TMEM165: variants seen among roughly 807,000 people sequenced by gnomAD.
The protein encoded by TMEM165 is putative divalent cation/proton antiporter TMEM165.
In TMEM165, 19 loss-of-function variants were observed where a neutral mutation model predicts 30.0. That is an observed-to-expected ratio of 0.63 (90% CI 0.44 to 0.93). TMEM165 has a LOEUF of 0.93. TMEM165 is among the 40% of genes least tolerant of loss of function. The probability of loss-of-function intolerance (pLI) is 0.00; values close to 1 mark genes in which losing one functional copy is unlikely to be tolerated. For missense variants in TMEM165, 340 were observed against 417.0 expected (o/e 0.82, Z 1.61); for synonymous variants, 168 against 162.9 (o/e 1.03, Z -0.24).
At chr4:55,420,895 G>GT (rs1213701315) in intron 4 of TMEM165, among the ~76,000 whole-genome samples, 2 of 149,714 alleles carry the variant, frequency 1.3e-5, no homozygotes, top group Admixed American at 6.7e-5. Flanking sequence ...CTGTCGTTTT[G>GT]TTTTTTCTTT....
At chr4:55,435,944 A>C (rs1022259064) in intron 3 of TMEM165, among the ~76,000 whole-genome samples, 1 of 152,214 alleles carries the variant, frequency 6.6e-6, no homozygotes, top group African/African-American at 2.4e-5. Context: ...CTATATGAAA[A>C]ACAAATACTC....
At chr4:55,402,216 AAAT>A (rs1208516983) in intron 1 of TMEM165, among the ~76,000 whole-genome samples, 27 of 147,538 alleles carry the variant, frequency 1.8e-4, no homozygotes, top group East Asian at 1.2e-3. Context: ...TTAAAACAAA[AAAT>A]AATTTTATTA....
chr4:55,417,785 G>A lies in TMEM165; in HGVS notation c.610-18G>A. ...TTGCTTCCTGTGCTTACTTTCATTTGTTTATTATTTATTTTAGTTTCAACG... is the reference window on the plus strand; with the variant it reads ...TTGCTTCCTGTGCTTACTTTCATTTATTTATTATTTATTTTAGTTTCAACG... On this transcript the variant is annotated intron_variant, in intron 3 of 5. Transcript: ENST00000381334. 1.3e-6 allele frequency: 2 copies of A among 1,571,194 alleles called. No individual in the cohort carries two copies. Among genetic ancestry groups the A allele is most frequent in the Admixed American group, 1.9e-5 (1 of 53,530 alleles).
intron 3 of TMEM165, among the ~76,000 whole-genome samples, chr4:55,451,262 G>A (rs1724423877): frequency 6.6e-6 from 1 of 152,102 alleles, no homozygotes; most frequent in African/African-American, 2.4e-5. Context: ...TAAAGTTAAT[G>A]CTCAGTTCTC....
At chr4:55,453,075 A>T (rs1724609192) in exon 4 of TMEM165, 4 of 1,611,696 alleles carry the variant, frequency 2.5e-6, no homozygotes, top group Non-Finnish European at 3.4e-6. Flanking sequence ...CTGTCTCAGG[A>T]AGAGACTCTT....
In TMEM165 at chr4:55,444,765, T is replaced by G. The variant is rs1372516916; in HGVS notation, c.409-7474T>G. 2.5e-6 allele frequency: 4 copies of G among 1,613,940 alleles called. No homozygotes were observed. In the African/African-American group the frequency reaches 5.3e-5, roughly 22 times the overall value. ...GGTCTTTCAGATGTTGCATGGCTCCTAATTGAGCTGAAAACTGAAACTGAA... is the reference window on the plus strand; with the variant it reads ...GGTCTTTCAGATGTTGCATGGCTCCGAATTGAGCTGAAAACTGAAACTGAA... On this transcript the variant is annotated intron_variant, in intron 3 of 3. Coordinates refer to the TMEM165 transcript ENST00000608091.
At chr4:55,418,687 G>A (rs1266737286) in intron 4 of TMEM165, among the ~76,000 whole-genome samples, 1 of 152,136 alleles carries the variant, frequency 6.6e-6, no homozygotes, top group East Asian at 1.9e-4. Context: ...GTAGCTCTTA[G>A]AATATTCACT....
Position 55,450,247 on chromosome 4 carries a change from T to A in TMEM165, c.409-1992T>A, listed in dbSNP as rs752815208. On this transcript the variant is annotated intron_variant, in intron 3 of 3. Transcript: ENST00000608091. ...GAATCTTGGCTCTATGGAGACAGAG[T>A]AAAATAAATGTTTTCTTGTGGTTCA... 4.2e-5 allele frequency: 68 copies of A among 1,613,688 alleles called. No individual in the cohort carries two copies. The African/African-American group carries it at 8.8e-4, about 21-fold the overall frequency.
In TMEM165 at chr4:55,417,867, C is replaced by A; in HGVS notation, c.674C>A (p.Pro225His). The A allele has an allele frequency of 6.2e-7, 1 of 1,613,966 alleles. No homozygotes were observed. The highest frequency in any genetic ancestry group is 8.5e-7 in the Non-Finnish European group (1 of 1,179,974). Residue 225 changes from proline (P) to histidine (H), a missense_variant, in exon 4 of 6, where the codon CCT becomes CAT. By Grantham distance (77) the Pro-to-His change is moderately conservative. Around this residue, in one of 2 missense-constraint regions of TMEM165, gnomAD observed 220 missense variants for 307.6 expected, o/e 0.72. Coordinates refer to ENST00000381334, the MANE Select transcript of TMEM165 (RefSeq NM_018475.5). ...DVETGTSITV[P>H]QKKWLHFISP... ...GAAACGGGTACAAGCATAACAGTAC[C>A]TCAGAAAAAGTGGTTGCATTTTATT...
At chr4:55,425,301 G>A (rs1316450235) in intron 5 of TMEM165, 75 bp from the exon 6 acceptor site, 34 of 1,235,278 alleles carry the variant, frequency 2.8e-5, no homozygotes, top group East Asian at 1.2e-4. Context: ...CCGCCTCATC[G>A]GCTCCCTTTT....
At position 55,395,963 on chromosome 4, in the gene TMEM165, A is replaced by T; in HGVS notation, c.-227A>T. On this transcript the variant is annotated 5_prime_UTR_variant, in exon 1 of 6. Transcript: ENST00000381334. ...CGCGCCGAGGCAGCTGGCTGACTCCAGTTTAGCCGCCGCCGGAGAGGACGG... is the reference window on the plus strand; with the variant it reads ...CGCGCCGAGGCAGCTGGCTGACTCCTGTTTAGCCGCCGCCGGAGAGGACGG... The T allele has an allele frequency of 2.7e-6, 1 of 366,466 alleles. No homozygotes were observed. The highest frequency in any genetic ancestry group is 4.8e-6 in the Non-Finnish European group (1 of 209,208). The allele number at this position is 366,466 out of a possible 1,614,324, so 22.7% of individuals were successfully genotyped here. A position where few individuals can be genotyped will look rare whatever the true frequency, so the allele number is the denominator to read the frequency against.
intron 2 of TMEM165, among the ~76,000 whole-genome samples, chr4:55,412,987 ATTTT>A (rs962814869): frequency 6.6e-6 from 1 of 150,686 alleles, no homozygotes; most frequent in Admixed American, 6.6e-5. Context: ...TTATTTATTT[ATTTT>A]TTTTTAGAGA....
chr4:55,396,442 G>A, intron 1 of TMEM165, 46 bp downstream of exon 1: 3 of 1,368,020 alleles, frequency 2.2e-6, no homozygotes, highest in Middle Eastern at 2.3e-4. Flanking sequence ...GGCCGGCTGC[G>A]CCGAGTACCA....
chr4:55,424,497 T>C, intron 4 of TMEM165, 41 bp from the exon 5 acceptor site: 1 of 1,249,300 alleles, frequency 8.0e-7, no homozygotes, highest in Non-Finnish European at 1.2e-6. Context: ...GCAGCAGTTG[T>C]CACCTTGGTT....
chr4:55,429,058 A>G (rs371289808), downstream of TMEM165: 54 of 151,188 alleles, frequency 3.6e-4, no homozygotes, highest in African/African-American at 1.2e-3. Flanking sequence ...CAAGACATCA[A>G]TCTGAAGGTA....
intron 3 of TMEM165, chr4:55,435,505 A>G: frequency 6.2e-7 from 1 of 1,614,056 alleles, no homozygotes. Context: ...GTTGCTGGTG[A>G]TGTGACTGAG....
At chr4:55,444,639 C>T (rs777572107) in intron 3 of TMEM165, 2 of 1,613,878 alleles carry the variant, frequency 1.2e-6, no homozygotes, top group Non-Finnish European at 1.7e-6. Flanking sequence ...TTACCTGCAG[C>T]CCCTGACCAT....
intron 3 of TMEM165, chr4:55,444,616 T>A: frequency 6.2e-7 from 1 of 1,613,972 alleles, no homozygotes; most frequent in Non-Finnish European, 8.5e-7. Flanking sequence ...TTGTTTGTAT[T>A]CAAATATAAC....
Position 55,449,633 on chromosome 4 carries a change from T to C in TMEM165, c.409-2606T>C, listed in dbSNP as rs558486992. 3 of 723,676 alleles carry C rather than the reference T, an allele frequency of 4.1e-6. No homozygotes were observed. The South Asian group carries it at 5.0e-5, about 12-fold the overall frequency. 44.8% of individuals were successfully genotyped at this position (723,676 alleles called of 1,614,324 possible). ...AACCATTCAATGAAAGTGAAGTCCA[T>C]GACAGATGATTCAATGTAGTTACTT... On this transcript the variant is annotated intron_variant, in intron 3 of 3. Transcript: ENST00000608091.
Sources: allele counts gnomAD v4.1 joint callset (sites outside exome capture counted in the v4.1 genomes callset), GRCh38; gene constraint gnomAD v4.1.1; regional missense constraint gnomAD v4.1.1; transcripts MANE v1.5; gene names NCBI Gene and HGNC (gene_info 2026-07-23, HGNC 2026-07-21).